RALGAPA2: variants seen among roughly 807,000 people sequenced by gnomAD.
RALGAPA2 encodes Ral GTPase activating protein catalytic subunit alpha 2, also known as ral GTPase-activating protein subunit alpha-2.
A neutral mutation model predicts 230.4 loss-of-function variants in RALGAPA2; 139 were observed. That is an observed-to-expected ratio of 0.60 (90% CI 0.53 to 0.69). RALGAPA2 has a LOEUF of 0.69. Ranked by LOEUF, RALGAPA2 falls within the 30% of genes least tolerant of loss-of-function variation. The probability of loss-of-function intolerance (pLI) is 0.00; values close to 1 mark genes in which losing one functional copy is unlikely to be tolerated. For missense variants in RALGAPA2, 2,163 were observed against 2,276.0 expected, an observed-to-expected ratio of 0.95 and a Z score of 1.01; for synonymous variants, 847 against 837.8, an observed-to-expected ratio of 1.01 and a Z score of -0.19.
At chr20:20,699,273 G>A (rs2069246103) in intron 1 of RALGAPA2, among the ~76,000 whole-genome samples, 1 of 152,086 alleles carries the variant, frequency 6.6e-6, no homozygotes, top group South Asian at 2.1e-4. Context: ...AAGAGAAATG[G>A]AACAATTCTT....
chr20:20,528,356 A>G (rs2063279680), intron 27 of RALGAPA2, among the ~76,000 whole-genome samples: 1 of 152,122 alleles, frequency 6.6e-6, no homozygotes. Flanking sequence ...TATGAACAGT[A>G]ATCTGTGGGG....
At chr20:20,608,090 A>G (rs907974497) in intron 14 of RALGAPA2, among the ~76,000 whole-genome samples, 2 of 152,224 alleles carry the variant, frequency 1.3e-5, no homozygotes, top group Non-Finnish European at 2.9e-5. Flanking sequence ...ATTAAAAATA[A>G]GAAGTGCATA....
At chr20:20,400,166 C>T (rs2059802397) in intron 38 of RALGAPA2, among the ~76,000 whole-genome samples, 2 of 152,206 alleles carry the variant, frequency 1.3e-5, no homozygotes, top group African/African-American at 4.8e-5. Context: ...AGCCCACACA[C>T]TCAACACTGG....
intron 35 of RALGAPA2, among the ~76,000 whole-genome samples, chr20:20,497,840 T>G (rs1422272507): frequency 6.6e-6 from 1 of 152,216 alleles, no homozygotes; most frequent in Non-Finnish European, 1.5e-5. Flanking sequence ...GATATGATAT[T>G]CATCTTCTCA....
At chr20:20,613,959 C>G (rs1165104948) in intron 13 of RALGAPA2, among the ~76,000 whole-genome samples, 1 of 152,164 alleles carries the variant, frequency 6.6e-6, no homozygotes, top group Non-Finnish European at 1.5e-5. Context: ...TTTTTAATGC[C>G]TCTCAGTCCT....
intron 18 of RALGAPA2, among the ~76,000 whole-genome samples, chr20:20,585,278 T>C (rs978699907): frequency 6.6e-6 from 1 of 152,208 alleles, no homozygotes; most frequent in African/African-American, 2.4e-5. Flanking sequence ...ACACATATAT[T>C]GTGAACACAA....
intron 10 of RALGAPA2, among the ~76,000 whole-genome samples, chr20:20,624,325 C>T (rs1449377772): frequency 8.1e-6 from 1 of 122,926 alleles, no homozygotes; most frequent in Non-Finnish European, 1.6e-5. Context: ...GAGACTCCAT[C>T]TCCAAAAAAA....
chr20:20,581,405 A>G (rs903142367), intron 20 of RALGAPA2, among the ~76,000 whole-genome samples: 3 of 152,192 alleles, frequency 2.0e-5, no homozygotes, highest in African/African-American at 7.2e-5. Flanking sequence ...ATTCTCAAGT[A>G]GGTCAAAGGG....
At chr20:20,702,531 C>A (rs2069423863) in intron 1 of RALGAPA2, among the ~76,000 whole-genome samples, 1 of 152,180 alleles carries the variant, frequency 6.6e-6, no homozygotes, top group African/African-American at 2.4e-5. Flanking sequence ...CCTTCAGAGG[C>A]ATCTGAAGTG....
At chr20:20,478,780 A>T (rs1035869709) in intron 36 of RALGAPA2, among the ~76,000 whole-genome samples, 1 of 152,132 alleles carries the variant, frequency 6.6e-6, no homozygotes, top group Non-Finnish European at 1.5e-5. Flanking sequence ...GGGTGACAGG[A>T]CCATTCATAC....
At chr20:20,465,026 C>T (rs2061384571) in intron 37 of RALGAPA2, among the ~76,000 whole-genome samples, 1 of 152,078 alleles carries the variant, frequency 6.6e-6, no homozygotes, top group South Asian at 2.1e-4. Context: ...TCACCTTAGG[C>T]AATTAAGGCC....
intron 37 of RALGAPA2, among the ~76,000 whole-genome samples, chr20:20,462,117 T>C (rs2061316454): frequency 6.6e-6 from 1 of 152,222 alleles, no homozygotes; most frequent in Admixed American, 6.5e-5. Flanking sequence ...TAAGGAAAGA[T>C]AAAAATCATA....
chr20:20,521,129 G>A (rs370075731), intron 30 of RALGAPA2, 29 bp from the exon 31 acceptor site: 8 of 1,551,496 alleles, frequency 5.2e-6, no homozygotes, highest in African/African-American at 4.1e-5. Context: ...TGTGCACCAC[G>A]GATGCTACTC....
chr20:20,422,901 T>C (rs1368323268), intron 37 of RALGAPA2, among the ~76,000 whole-genome samples: 1 of 152,118 alleles, frequency 6.6e-6, no homozygotes, highest in Non-Finnish European at 1.5e-5. Context: ...TTCATGGGAA[T>C]GAGGAGTGGG....
intron 1 of RALGAPA2, among the ~76,000 whole-genome samples, chr20:20,709,313 C>T (rs1476451438): frequency 2.0e-5 from 3 of 150,906 alleles, no homozygotes; most frequent in South Asian, 2.1e-4. Flanking sequence ...AGTGAGACTC[C>T]ATCTCAAAAA....
chr20:20,571,422 T>C, intron 23 of RALGAPA2, 36 bp downstream of exon 23: 1 of 1,568,952 alleles, frequency 6.4e-7, no homozygotes, highest in Non-Finnish European at 8.7e-7. Flanking sequence ...CTATTTCCAA[T>C]TAATGGGCAA....
chr20:20,597,801 T>C (rs1490078045), intron 16 of RALGAPA2, among the ~76,000 whole-genome samples: 4 of 152,136 alleles, frequency 2.6e-5, no homozygotes, highest in African/African-American at 9.7e-5. Context: ...ATCATGCCAC[T>C]GCACTCCAGC....
At chr20:20,706,707 TGTTTCTA>T (rs2069622917) in intron 1 of RALGAPA2, among the ~76,000 whole-genome samples, 1 of 152,236 alleles carries the variant, frequency 6.6e-6, no homozygotes, top group Non-Finnish European at 1.5e-5. Context: ...GTTGTGATTT[TGTTTCTA>T]TGTTATCATT....
chr20:20,454,368 T>G (rs1195777064), intron 37 of RALGAPA2, among the ~76,000 whole-genome samples: 1 of 152,202 alleles, frequency 6.6e-6, no homozygotes, highest in African/African-American at 2.4e-5. Context: ...CTGCTGAGGC[T>G]CTCGCACACA....
Sources: allele counts gnomAD v4.1 joint callset (sites outside exome capture counted in the v4.1 genomes callset), GRCh38; gene constraint gnomAD v4.1.1; transcripts MANE v1.5; gene names NCBI Gene and HGNC (gene_info 2026-07-23, HGNC 2026-07-21).